Variants in FLVCR2 observed in about 807,000 individuals in gnomAD.
FLVCR2 encodes the protein choline/ethanolamine transporter FLVCR2.
FLVCR2 carries 38 observed loss-of-function variants against 48.9 expected under a neutral mutation model. That is an observed-to-expected ratio of 0.78 (90% CI 0.60 to 1.02). The LOEUF (loss-of-function observed/expected upper bound fraction) is 1.02. FLVCR2 is among the 50% of genes least tolerant of loss of function. The probability of loss-of-function intolerance (pLI) is 0.00; values close to 1 mark genes in which losing one functional copy is unlikely to be tolerated. For synonymous variants in FLVCR2, 255 were observed against 257.0 expected (o/e 0.99, Z 0.07); for missense variants, 664 against 663.3 (o/e 1.00, Z -0.01).
At chr14:75,628,679 C>A (rs550717731) in intron 3 of FLVCR2, among the ~76,000 whole-genome samples, 1 of 152,230 alleles carries the variant, frequency 6.6e-6, no homozygotes, top group South Asian at 2.1e-4. Flanking sequence ...AGAGTTGGCT[C>A]ATAAGAAATG....
At chr14:75,609,174 A>T (rs1889373609) in intron 1 of FLVCR2, among the ~76,000 whole-genome samples, 1 of 152,104 alleles carries the variant, frequency 6.6e-6, no homozygotes, top group Non-Finnish European at 1.5e-5. Flanking sequence ...ACAGCTGGGG[A>T]TGCAGCAATG....
At chr14:75,597,596 G>A (rs907390100) in intron 1 of FLVCR2, among the ~76,000 whole-genome samples, 6 of 151,648 alleles carry the variant, frequency 4.0e-5, no homozygotes, top group African/African-American at 1.5e-4. Context: ...TTGAGATAGA[G>A]TCTCACTTTG....
intron 5 of FLVCR2, among the ~76,000 whole-genome samples, chr14:75,636,566 G>C (rs571584673): frequency 6.6e-6 from 1 of 152,264 alleles, no homozygotes; most frequent in South Asian, 2.1e-4. Flanking sequence ...AAGATAATGA[G>C]AGGACTGGGA....
At chr14:75,619,196 C>T (rs1016659338) in intron 1 of FLVCR2, among the ~76,000 whole-genome samples, 2 of 151,844 alleles carry the variant, frequency 1.3e-5, no homozygotes, top group Non-Finnish European at 2.9e-5. Context: ...CACTGCACTC[C>T]GTCCTGGTGA....
chr14:75,600,531 A>T (rs537616478), intron 1 of FLVCR2, among the ~76,000 whole-genome samples: 2 of 152,350 alleles, frequency 1.3e-5, no homozygotes, highest in East Asian at 1.9e-4. Flanking sequence ...GATCTGTATC[A>T]GAACCCCTTT....
chr14:75,622,542 C>A (rs921797756), intron 2 of FLVCR2, among the ~76,000 whole-genome samples: 1 of 152,168 alleles, frequency 6.6e-6, no homozygotes, highest in Non-Finnish European at 1.5e-5. Context: ...CCATCACAGG[C>A]ACTGTACTGA....
intron 1 of FLVCR2, among the ~76,000 whole-genome samples, chr14:75,584,657 A>G (rs894148375): frequency 6.6e-6 from 1 of 152,164 alleles, no homozygotes; most frequent in Admixed American, 6.5e-5. Context: ...CCTCTTGGGG[A>G]ACTGCTCTAA....
intron 1 of FLVCR2, among the ~76,000 whole-genome samples, chr14:75,586,102 A>G (rs1888741549): frequency 6.6e-6 from 1 of 152,210 alleles, no homozygotes; most frequent in Admixed American, 6.5e-5. Context: ...GAGACCACCA[A>G]ACAGGCTTTG....
chr14:75,605,883 T>G, intron 1 of FLVCR2: 1 of 496,260 alleles, frequency 2.0e-6, no homozygotes, highest in Non-Finnish European at 3.7e-6. Context: ...AAACTCCTGA[T>G]TTCTGCATAC....
At chr14:75,628,173 G>C (rs1266831813) in intron 3 of FLVCR2, among the ~76,000 whole-genome samples, 2 of 152,092 alleles carry the variant, frequency 1.3e-5, no homozygotes, top group East Asian at 3.9e-4. Context: ...GGAGTGCAGT[G>C]GCATGATCTC....
chr14:75,590,764 C>A (rs534462898), intron 1 of FLVCR2, among the ~76,000 whole-genome samples: 27 of 152,328 alleles, frequency 1.8e-4, no homozygotes, highest in Admixed American at 3.3e-4. Flanking sequence ...TTGTAAGTTT[C>A]CTGAGGCCTC....
intron 1 of FLVCR2, among the ~76,000 whole-genome samples, chr14:75,587,179 G>C (rs931794966): frequency 6.6e-6 from 1 of 152,088 alleles, no homozygotes; most frequent in African/African-American, 2.4e-5. Context: ...ATTGTTGCAG[G>C]AGAGGGAACT....
chr14:75,608,666 G>A (rs1000158382), intron 1 of FLVCR2, among the ~76,000 whole-genome samples: 1 of 152,316 alleles, frequency 6.6e-6, no homozygotes, highest in East Asian at 1.9e-4. Flanking sequence ...GATCGGTAGG[G>A]CTTGGACAGC....
chr14:75,645,060 G>C lies in FLVCR2; in HGVS notation c.1510-1341G>C, dbSNP rs543853879. 3.3e-5 allele frequency among the ~76,000 whole-genome samples: 5 copies of C among 151,886 alleles called. No homozygotes were observed. The East Asian group carries it at 9.7e-4, about 29-fold the overall frequency. The stretch of plus-strand genomic sequence containing the variant: ...TGTGTGTGTGTGTGTGTGTGTGTGT[G>C]TGTGTGTGTGTGTGTGTCAGAGAGA... On this transcript the variant is annotated intron_variant, in intron 9 of 9. Transcript: ENST00000238667.
chr14:75,605,508 T>C, intron 1 of FLVCR2: 1 of 1,529,390 alleles, frequency 6.5e-7, no homozygotes. Context: ...TTTTTCATGC[T>C]GTGCAAAAAC....
chr14:75,631,216 A>C (rs1311731137), intron 3 of FLVCR2, among the ~76,000 whole-genome samples: 1 of 152,172 alleles, frequency 6.6e-6, no homozygotes, highest in Non-Finnish European at 1.5e-5. Flanking sequence ...GCCCCGCTTC[A>C]GTCTGCTGTC....
At chr14:75,619,423 G>A in intron 1 of FLVCR2, among the ~76,000 whole-genome samples, 1 of 151,662 alleles carries the variant, frequency 6.6e-6, no homozygotes, top group East Asian at 1.9e-4. Context: ...TTAATAGAGA[G>A]ATGTGTCATT....
intron 1 of FLVCR2, among the ~76,000 whole-genome samples, chr14:75,618,641 T>C (rs1466483129): frequency 6.6e-6 from 1 of 152,196 alleles, no homozygotes; most frequent in Non-Finnish European, 1.5e-5. Context: ...TCTCCCACAT[T>C]TTAAATTAAT....
intron 1 of FLVCR2, among the ~76,000 whole-genome samples, chr14:75,614,309 A>C (rs541403181): frequency 1.3e-5 from 2 of 152,234 alleles, no homozygotes; most frequent in African/African-American, 2.4e-5. Flanking sequence ...ACAAATGTGC[A>C]GTGGCAATGG....
Sources: allele counts gnomAD v4.1 joint callset (sites outside exome capture counted in the v4.1 genomes callset), GRCh38; gene constraint gnomAD v4.1.1; transcripts MANE v1.5; gene names NCBI Gene and HGNC (gene_info 2026-07-23, HGNC 2026-07-21).